AFAP1L1: variants seen among roughly 807,000 people sequenced by gnomAD.
The protein encoded by AFAP1L1 is actin filament-associated protein 1-like 1.
AFAP1L1 carries 77 observed loss-of-function variants against 99.8 expected under a neutral mutation model. The ratio of observed to expected loss-of-function variants is 0.77; its 90% CI spans 0.64 to 0.93. The LOEUF (loss-of-function observed/expected upper bound fraction) is 0.93. AFAP1L1 is among the 40% of genes least tolerant of loss of function. The pLI is 0.00. For synonymous variants in AFAP1L1, 373 were observed against 395.3 expected (o/e 0.94, Z 0.67); for missense variants, 893 against 996.8 (o/e 0.90, Z 1.40).
intron 1 of AFAP1L1, among the ~76,000 whole-genome samples, chr5:149,283,355 C>T (rs1755577560): frequency 6.6e-6 from 1 of 152,180 alleles, no homozygotes; most frequent in African/African-American, 2.4e-5. Context: ...TGGGACTTGG[C>T]TGGGACACAT....
At chr5:149,289,501 A>G (rs1755788521) in intron 1 of AFAP1L1, among the ~76,000 whole-genome samples, 1 of 151,604 alleles carries the variant, frequency 6.6e-6, no homozygotes, top group African/African-American at 2.4e-5. Flanking sequence ...CCGCATGTAC[A>G]GTGGGCTTCC....
At chr5:149,286,981 A>G (rs1755701189) in intron 1 of AFAP1L1, among the ~76,000 whole-genome samples, 2 of 152,200 alleles carry the variant, frequency 1.3e-5, no homozygotes, top group Admixed American at 1.3e-4. Flanking sequence ...GCCTCTGGCA[A>G]GTTTAACCTT....
intron 1 of AFAP1L1, among the ~76,000 whole-genome samples, chr5:149,291,968 A>G (rs1755873783): frequency 6.6e-6 from 1 of 152,256 alleles, no homozygotes; most frequent in African/African-American, 2.4e-5. Context: ...AAAACAAAGA[A>G]GGATAAGTTA....
intron 1 of AFAP1L1, among the ~76,000 whole-genome samples, chr5:149,288,262 A>G (rs527369784): frequency 1.2e-4 from 19 of 152,234 alleles, no homozygotes; most frequent in Non-Finnish European, 2.6e-4. Context: ...AGGCTCTGGA[A>G]TGAGGTCTAG....
chr5:149,333,227 T>C (rs1757308156), intron 17 of AFAP1L1, among the ~76,000 whole-genome samples: 1 of 152,224 alleles, frequency 6.6e-6, no homozygotes, highest in Non-Finnish European at 1.5e-5. Flanking sequence ...TCTTAACCTG[T>C]ATTATCTCAC....
At chr5:149,289,586 C>T (rs1156551337) in intron 1 of AFAP1L1, among the ~76,000 whole-genome samples, 1 of 152,204 alleles carries the variant, frequency 6.6e-6, no homozygotes, top group Non-Finnish European at 1.5e-5. Flanking sequence ...CCGTCTCCTT[C>T]TACATTCTGC....
intron 1 of AFAP1L1, among the ~76,000 whole-genome samples, chr5:149,299,299 C>T (rs977730931): frequency 1.3e-5 from 2 of 152,154 alleles, no homozygotes; most frequent in South Asian, 2.1e-4. Flanking sequence ...TGGGGAGACC[C>T]GGAGAAACAC....
At chr5:149,338,446 A>C (rs1757468391) in intron 18 of AFAP1L1, among the ~76,000 whole-genome samples, 1 of 152,024 alleles carries the variant, frequency 6.6e-6, no homozygotes, top group African/African-American at 2.4e-5. Flanking sequence ...AGCCTAGATG[A>C]CACTAAGTGA....
chr5:149,310,741 G>A (rs1055964234), intron 8 of AFAP1L1, among the ~76,000 whole-genome samples: 3 of 152,126 alleles, frequency 2.0e-5, no homozygotes, highest in Admixed American at 6.5e-5. Flanking sequence ...CTTGCCAAAC[G>A]TCACACAACC....
At chr5:149,299,376 C>A in intron 1 of AFAP1L1, 133 bp from the exon 2 acceptor site, 1 of 1,240,776 alleles carries the variant, frequency 8.1e-7, no homozygotes, top group Non-Finnish European at 1.1e-6. Flanking sequence ...GCTGAGAGCC[C>A]CCAGGTCCGC....
At chr5:149,303,829 T>A (rs1034521111) in intron 5 of AFAP1L1, among the ~76,000 whole-genome samples, 1 of 152,264 alleles carries the variant, frequency 6.6e-6, no homozygotes, top group Non-Finnish European at 1.5e-5. Flanking sequence ...TATTACTGTT[T>A]GTGCTTTTTA....
chr5:149,297,441 GA>G (rs147290968), intron 1 of AFAP1L1, among the ~76,000 whole-genome samples: 1 of 151,734 alleles, frequency 6.6e-6, no homozygotes, highest in Non-Finnish European at 1.5e-5. Context: ...GTCATCTTCT[GA>G]AAAAAAAGGC....
rs543117950 is a variant in AFAP1L1, at chr5:149,308,744, A to G, written c.747+1131A>G. ...TGCAGTAGCTAGGACCTCAAGCACA[A>G]TGCAAACAGAAGTGGGAGAGCAGGC... On this transcript the variant is annotated intron_variant, in intron 7 of 18. Transcript: ENST00000296721. Among the ~76,000 whole-genome samples, 468 of 152,214 alleles carry G rather than the reference A, an allele frequency of 3.1e-3. 3 individuals carry two copies. The highest frequency in any genetic ancestry group is 0.011 in the African/African-American group (442 of 41,534).
chr5:149,338,323 GT>G (rs1297006973), intron 18 of AFAP1L1, among the ~76,000 whole-genome samples: 2 of 152,104 alleles, frequency 1.3e-5, no homozygotes, highest in Non-Finnish European at 2.9e-5. Context: ...TTAGCCGGGT[GT>G]GGTGGCACAT....
chr5:149,329,949 C>G, intron 16 of AFAP1L1, 119 bp downstream of exon 16: 1 of 807,658 alleles, frequency 1.2e-6, no homozygotes, highest in Non-Finnish European at 1.8e-6. Flanking sequence ...TGGGCTTCTC[C>G]TCCCCTCCTC....
Position 149,341,089 on chromosome 5 carries a change from C to T in AFAP1L1, c.*1059C>T, listed in dbSNP as rs1757549376. The T allele has an allele frequency of 6.6e-6, 1 of 152,210 alleles. No individual in the cohort carries two copies. The highest frequency in any genetic ancestry group is 1.5e-5 in the Non-Finnish European group (1 of 68,052). The allele number at this position is 152,210 out of a possible 1,614,324, so 9.4% of individuals were successfully genotyped here. A position where few individuals can be genotyped will look rare whatever the true frequency, so the allele number is the denominator to read the frequency against. ...TCCTTACTGTGCTACTCACTACTGT[C>T]TCAACACTGTAGTGAGTCTGTCTTT... On this transcript the variant is annotated 3_prime_UTR_variant, in exon 19 of 19. Transcript: ENST00000296721.
chr5:149,314,956 T>C lies in AFAP1L1; in HGVS notation c.1021-865T>C, dbSNP rs117461456. The stretch of plus-strand genomic sequence containing the variant: ...AATGATACAGTCCATGGGCCTTCAC[T>C]TGAGCTGGCTCCGTCACAGCAGCCC... On this transcript the variant is annotated intron_variant, in intron 9 of 18. Transcript: ENST00000296721. Among the ~76,000 whole-genome samples the C allele has an allele frequency of 1.2e-4, 19 of 152,328 alleles. No homozygotes were observed. In the East Asian group the frequency reaches 3.5e-3, roughly 28 times the overall value.
chr5:149,307,646 C>T (rs1427615071), intron 7 of AFAP1L1, 33 bp downstream of exon 7: 3 of 1,601,504 alleles, frequency 1.9e-6, no homozygotes, highest in African/African-American at 1.3e-5. Flanking sequence ...GTGCCTCGGC[C>T]TCACATGGAC....
In AFAP1L1 at chr5:149,317,879, G is replaced by C; in HGVS notation, c.1418G>C (p.Gly473Ala). 3.1e-6 allele frequency: 5 copies of C among 1,600,668 alleles called. No individual in the cohort carries two copies. Among genetic ancestry groups the C allele is most frequent in the Non-Finnish European group, 4.3e-6 (5 of 1,173,740 alleles). The change falls in exon 12 of 19, where the codon GGG becomes GCG. Residue 473 changes from glycine to alanine, a missense_variant. By Grantham distance (60) the Gly-to-Ala change is moderately conservative. Coordinates refer to ENST00000296721, the MANE Select transcript of AFAP1L1 (RefSeq NM_152406.4). Reference sequence around the variant, plus strand: ...GGCTGTGAGGTGGCCCCGGGCTTTGGGCCCCGACACCCATTTGCCTTCAGG... The same window carrying C: ...GGCTGTGAGGTGGCCCCGGGCTTTGCGCCCCGACACCCATTTGCCTTCAGG... ...LQGCEVAPGF[G>A]PRHPFAFRIL...
Sources: gnomAD v4.1 joint callset for allele counts (sites outside exome capture counted in the v4.1 genomes callset) on GRCh38, gnomAD v4.1.1 for gene constraint, MANE v1.5 for transcripts, NCBI Gene and HGNC (gene_info 2026-07-23, HGNC 2026-07-21) for gene names.